The following LRRIQ3 variants were observed in gnomAD, a reference collection of about 807,000 sequenced individuals.
LRRIQ3 encodes the protein leucine-rich repeat and IQ domain-containing protein 3.
Under a neutral mutation model 59.3 loss-of-function variants are expected in LRRIQ3, and 75 were observed. That is an observed-to-expected ratio of 1.26 (90% confidence interval 1.05 to 1.53). LRRIQ3 has a LOEUF of 1.53. Among genes scored for constraint, LRRIQ3 ranks in the 40% most tolerant of loss-of-function variants. LRRIQ3 has a pLI of 0.00. For synonymous variants in LRRIQ3, 250 were observed against 231.3 expected (o/e 1.08, Z -0.73); for missense variants, 831 against 710.0 (o/e 1.17, Z -1.94).
intron 4 of LRRIQ3, among the ~76,000 whole-genome samples, chr1:74,147,702 G>T (rs531642812): frequency 6.6e-6 from 1 of 152,130 alleles, no homozygotes; most frequent in Non-Finnish European, 1.5e-5. Flanking sequence ...CCTTTCTCTT[G>T]CTGTCTCTAT....
At chr1:74,096,916 C>T (rs1646456952) in intron 5 of LRRIQ3, among the ~76,000 whole-genome samples, 1 of 152,144 alleles carries the variant, frequency 6.6e-6, no homozygotes, top group Admixed American at 6.5e-5. Context: ...GAAGCTTCGT[C>T]TCAGAGGGGT....
At chr1:74,100,007 T>C (rs1646507194) in intron 5 of LRRIQ3, among the ~76,000 whole-genome samples, 1 of 152,150 alleles carries the variant, frequency 6.6e-6, no homozygotes, top group Non-Finnish European at 1.5e-5. Flanking sequence ...AAGACAGGGA[T>C]GCCCTCTCTC....
chr1:74,037,331 C>T lies in LRRIQ3; in HGVS notation c.1718+3882G>A, dbSNP rs1442379039. ...ATCCTGCACTGGCAACTGAGGTATGCAGGGTCTTCATCAAAACTGACTAGG... is the reference window on the plus strand; with the variant it reads ...ATCCTGCACTGGCAACTGAGGTATGTAGGGTCTTCATCAAAACTGACTAGG... On this transcript the variant is annotated intron_variant, in intron 7 of 7. Transcript: ENST00000354431. Among the ~76,000 whole-genome samples, 3 of 152,176 alleles carry T rather than the reference C, an allele frequency of 2.0e-5. No individual in the cohort carries two copies. In the East Asian group the frequency reaches 5.8e-4, roughly 29 times the overall value.
At chr1:74,040,680 C>T (rs980181786) in intron 7 of LRRIQ3, among the ~76,000 whole-genome samples, 4 of 152,168 alleles carry the variant, frequency 2.6e-5, no homozygotes. Flanking sequence ...ACAACATGCT[C>T]CTGAATGACT....
chr1:74,185,907 C>A (rs1019967242), intron 1 of LRRIQ3, among the ~76,000 whole-genome samples: 136 of 151,446 alleles, frequency 9.0e-4, no homozygotes, highest in African/African-American at 3.2e-3. Flanking sequence ...AGCAAGACTA[C>A]GTCTCAAAAA....
At chr1:74,073,540 A>ACAAT (rs1264349215) in intron 6 of LRRIQ3, among the ~76,000 whole-genome samples, 1 of 151,590 alleles carries the variant, frequency 6.6e-6, no homozygotes, top group African/African-American at 2.4e-5. Context: ...AAACAAACAA[A>ACAAT]CAAAATAAAA....
intron 4 of LRRIQ3, among the ~76,000 whole-genome samples, chr1:74,114,822 A>C (rs1475939902): frequency 6.6e-6 from 1 of 151,930 alleles, no homozygotes. Flanking sequence ...GCTATAAAAT[A>C]TTCACTAACA....
At chr1:74,042,976 T>C (rs1457733977) in intron 6 of LRRIQ3, among the ~76,000 whole-genome samples, 1 of 152,056 alleles carries the variant, frequency 6.6e-6, no homozygotes, top group Non-Finnish European at 1.5e-5. Flanking sequence ...TGAAAAAACT[T>C]CTCATGGACC....
intron 5 of LRRIQ3, among the ~76,000 whole-genome samples, chr1:74,106,003 C>T (rs1464505959): frequency 6.6e-6 from 1 of 151,806 alleles, no homozygotes; most frequent in Non-Finnish European, 1.5e-5. Context: ...GTAAGAGATG[C>T]CTTTCAGAGA....
chr1:74,041,242 C>A lies in LRRIQ3; in HGVS notation c.1689G>T (p.Lys563Asn), dbSNP rs202192042. The A allele has an allele frequency of 1.6e-4, 259 of 1,585,446 alleles. 1 individual carries two copies. The Middle Eastern group carries it at 1.9e-3, about 11-fold the overall frequency. ...CTTTTTTCATTTCTTTAAGTAAATT[C>A]TTTCTATATTTTTCTGCTTTTAGTT... ...KQKLKAEKYR[K>N]NLLKEMKKVR... Residue 563 changes from lysine to asparagine, a missense_variant, in exon 7 of 8, where the codon AAG (lysine) becomes AAT (asparagine). Physicochemically the swap from Lys to Asn is moderately conservative, Grantham distance 94. Transcript: ENST00000354431.
rs537473450 is a variant in LRRIQ3 at position 74,148,588 on chromosome 1, G to T, written c.707+7145C>A. Among the ~76,000 whole-genome samples, 13 of 152,242 alleles carry T rather than the reference G, an allele frequency of 8.5e-5. No individual in the cohort carries two copies. The South Asian group carries it at 2.7e-3, about 32-fold the overall frequency. On this transcript the variant is annotated intron_variant, in intron 4 of 7. Transcript: ENST00000354431. ...AGAGATGCATAGGGTGTGTTGTGGG[G>T]GAAGAAGCATGGAGCTTTCCTTGAG...
chr1:74,174,377 C>T (rs1361471510), intron 3 of LRRIQ3, among the ~76,000 whole-genome samples: 2 of 151,418 alleles, frequency 1.3e-5, no homozygotes, highest in Non-Finnish European at 2.9e-5. Context: ...TCCGCCCTTC[C>T]CCTCTTCCTT....
intron 4 of LRRIQ3, among the ~76,000 whole-genome samples, chr1:74,128,201 T>C (rs1356946874): frequency 2.0e-5 from 3 of 152,102 alleles, no homozygotes; most frequent in Non-Finnish European, 4.4e-5. Flanking sequence ...GGTTGGCTTC[T>C]TTGGGTTAAA....
intron 1 of LRRIQ3, among the ~76,000 whole-genome samples, chr1:74,194,142 G>A (rs973384747): frequency 3.9e-5 from 6 of 152,168 alleles, no homozygotes; most frequent in Middle Eastern, 3.2e-3. Context: ...CAAGGCAAGA[G>A]AATGCTTGAG....
intron 6 of LRRIQ3, among the ~76,000 whole-genome samples, chr1:74,058,890 C>A (rs1450196390): frequency 6.6e-6 from 1 of 151,964 alleles, no homozygotes; most frequent in Non-Finnish European, 1.5e-5. Context: ...ATTGATGTAT[C>A]ATTTTACATC....
intron 4 of LRRIQ3, among the ~76,000 whole-genome samples, chr1:74,143,098 G>A (rs1019923873): frequency 6.6e-6 from 1 of 151,860 alleles, no homozygotes; most frequent in Non-Finnish European, 1.5e-5. Flanking sequence ...AAAATATTTT[G>A]CAAAGTATTA....
intron 4 of LRRIQ3, among the ~76,000 whole-genome samples, chr1:74,143,993 A>G (rs534664321): frequency 6.6e-6 from 1 of 152,052 alleles, no homozygotes; most frequent in East Asian, 1.9e-4. Context: ...TATTCCTTTA[A>G]GAACTAGTGA....
At chr1:74,197,487 C>G (rs1295503204) in intron 1 of LRRIQ3, among the ~76,000 whole-genome samples, 1 of 151,910 alleles carries the variant, frequency 6.6e-6, no homozygotes, top group African/African-American at 2.4e-5. Flanking sequence ...ATATAGCTAC[C>G]CAAAAAAACA....
intron 7 of LRRIQ3, among the ~76,000 whole-genome samples, chr1:74,027,333 C>A (rs369719790): frequency 6.6e-6 from 1 of 152,078 alleles, no homozygotes; most frequent in African/African-American, 2.4e-5. Context: ...TGTCAAAGTC[C>A]TAACTCCCAG....
Sources: gnomAD v4.1 joint callset for allele counts (sites outside exome capture counted in the v4.1 genomes callset) on GRCh38, gnomAD v4.1.1 for gene constraint, MANE v1.5 for transcripts, NCBI Gene and HGNC (gene_info 2026-07-23, HGNC 2026-07-21) for gene names.